TBC1D19: variants seen among roughly 807,000 people sequenced by gnomAD.
TBC1D19 encodes the protein TBC1 domain family member 19, also known as TBC1 domain family, member 19.
TBC1D19 carries 60 observed loss-of-function variants against 89.0 expected under a neutral mutation model. The observed-to-expected ratio is 0.67, with a 90% confidence interval of 0.55 to 0.84. The LOEUF (loss-of-function observed/expected upper bound fraction) is 0.84, where lower values mean the gene tolerates loss of function less well. Ranked by LOEUF, TBC1D19 falls within the 40% of genes least tolerant of loss-of-function variation. The pLI is 0.00. For synonymous variants in TBC1D19, 189 were observed against 199.7 expected, an observed-to-expected ratio of 0.95 and a Z score of 0.45; for missense variants, 500 against 610.8, an observed-to-expected ratio of 0.82 and a Z score of 1.91.
the TBC1D19 span, among the ~76,000 whole-genome samples, chr4:26,837,602 CTT>C: frequency 6.6e-6 from 1 of 152,210 alleles, no homozygotes; most frequent in Non-Finnish European, 1.5e-5. Flanking sequence ...ATTCCAATCT[CTT>C]AGCTCTTTTC....
chr4:26,646,575 A>G (rs1743973702), intron 7 of TBC1D19, among the ~76,000 whole-genome samples: 1 of 152,228 alleles, frequency 6.6e-6, no homozygotes, highest in Non-Finnish European at 1.5e-5. Flanking sequence ...ATGTCCATCA[A>G]TAATAGACTG....
At chr4:26,776,349 A>G in the TBC1D19 span, among the ~76,000 whole-genome samples, 3 of 152,214 alleles carry the variant, frequency 2.0e-5, no homozygotes, top group African/African-American at 2.4e-5. Context: ...TAAAATATCT[A>G]TAATCATTCA....
intron 12 of TBC1D19, among the ~76,000 whole-genome samples, 187 bp from the exon 13 acceptor site, chr4:26,688,158 G>A (rs988430981): frequency 1.2e-4 from 18 of 152,184 alleles, no homozygotes; most frequent in African/African-American, 4.1e-4. Flanking sequence ...TGAGGAATTC[G>A]AGTTCAAATA....
chr4:26,671,881 ATTGT>A lies in TBC1D19; in HGVS notation c.665-264_665-261del, dbSNP rs568243110. Reference sequence around the variant, plus strand: ...TAACTGTTTTAATTTTAAACAAAAAATTGTTTGGCTTTATTATGAGATGTTTTAA... The same window carrying A: ...TAACTGTTTTAATTTTAAACAAAAAATTGGCTTTATTATGAGATGTTTTAA... On this transcript the variant is annotated intron_variant, in intron 9 of 20. Coordinates refer to ENST00000264866, the MANE Select transcript of TBC1D19 (RefSeq NM_018317.4). 2.6e-4 allele frequency among the ~76,000 whole-genome samples: 39 copies of A among 151,986 alleles called. No individual in the cohort carries two copies. The South Asian group carries it at 8.1e-3, about 32-fold the overall frequency.
the TBC1D19 span, among the ~76,000 whole-genome samples, chr4:26,773,976 G>A: frequency 6.6e-6 from 1 of 152,188 alleles, no homozygotes; most frequent in East Asian, 1.9e-4. Flanking sequence ...CCTCTGCTAA[G>A]ATCTCCTTAT....
chr4:26,582,259 G>A (rs1331018591), upstream of TBC1D19, among the ~76,000 whole-genome samples: 1 of 151,894 alleles, frequency 6.6e-6, no homozygotes, highest in Admixed American at 6.6e-5. Flanking sequence ...TCCTCATACT[G>A]TCTCCTTAGT....
chr4:26,842,617 T>C, the TBC1D19 span, among the ~76,000 whole-genome samples: 1 of 144,650 alleles, frequency 6.9e-6, no homozygotes, highest in East Asian at 2.1e-4. Flanking sequence ...TCTTTCTTTC[T>C]TTCTTTCTTT....
chr4:26,717,859 T>C, intron 13 of TBC1D19, 74 bp from the exon 14 acceptor site: 3 of 1,246,016 alleles, frequency 2.4e-6, no homozygotes, highest in Non-Finnish European at 3.5e-6. Context: ...GGATGCCTCC[T>C]GAGTAGGAAA....
chr4:26,653,438 C>T (rs978404840), intron 7 of TBC1D19, among the ~76,000 whole-genome samples: 4 of 152,130 alleles, frequency 2.6e-5, no homozygotes, highest in African/African-American at 9.7e-5. Flanking sequence ...TGTTAACGTT[C>T]TGTCTGGTTG....
chr4:26,833,031 A>G, the TBC1D19 span, among the ~76,000 whole-genome samples: 1 of 152,078 alleles, frequency 6.6e-6, no homozygotes. Flanking sequence ...AAACAAATAT[A>G]CCACATAAAA....
chr4:26,591,062 C>T (rs778336322), intron 1 of TBC1D19, among the ~76,000 whole-genome samples: 10 of 114,902 alleles, frequency 8.7e-5, no homozygotes, highest in Non-Finnish European at 1.2e-4. Flanking sequence ...CCTGCTCATT[C>T]CTCCCTTCCC....
the TBC1D19 span, among the ~76,000 whole-genome samples, chr4:26,793,108 T>C: frequency 6.6e-6 from 1 of 152,050 alleles, no homozygotes. Flanking sequence ...AATGTGGAAG[T>C]TGCAGTGCTG....
chr4:26,703,173 C>T (rs1040638776), intron 13 of TBC1D19, among the ~76,000 whole-genome samples: 5 of 152,142 alleles, frequency 3.3e-5, no homozygotes, highest in African/African-American at 1.2e-4. Context: ...CTAAGCATCT[C>T]TCTTTGGGAA....
At chr4:26,738,569 T>G (rs1468699842) in intron 16 of TBC1D19, among the ~76,000 whole-genome samples, 1 of 151,904 alleles carries the variant, frequency 6.6e-6, no homozygotes, top group Non-Finnish European at 1.5e-5. Context: ...AAATAAGTTT[T>G]AAAAATTAGT....
Position 26,660,264 on chromosome 4 carries a change from A to G in TBC1D19, c.591+557A>G, listed in dbSNP as rs982961215. 5.3e-5 allele frequency among the ~76,000 whole-genome samples: 8 copies of G among 152,280 alleles called. No individual in the cohort carries two copies. The South Asian group carries it at 1.7e-3, about 32-fold the overall frequency. On this transcript the variant is annotated intron_variant, in intron 8 of 20. Coordinates refer to ENST00000264866, the MANE Select transcript of TBC1D19 (RefSeq NM_018317.4). ...CTTCTTTCAAAGTCACCCTAAAACAATAAGGAGCGTAGAAATATAAATACT... is the reference window on the plus strand; with the variant it reads ...CTTCTTTCAAAGTCACCCTAAAACAGTAAGGAGCGTAGAAATATAAATACT...
chr4:26,845,846 TACCA>T, the TBC1D19 span, among the ~76,000 whole-genome samples: 1 of 152,210 alleles, frequency 6.6e-6, no homozygotes, highest in Non-Finnish European at 1.5e-5. Context: ...ACTTATTTAC[TACCA>T]TGAGAACAGT....
chr4:26,589,174 C>G (rs1461794211), intron 1 of TBC1D19, among the ~76,000 whole-genome samples: 4 of 152,092 alleles, frequency 2.6e-5, no homozygotes, highest in Non-Finnish European at 5.9e-5. Flanking sequence ...ACTCGGGAAG[C>G]TGAGGCAGGA....
intron 3 of TBC1D19, among the ~76,000 whole-genome samples, chr4:26,617,949 A>T (rs1741799895): frequency 6.6e-6 from 1 of 152,198 alleles, no homozygotes; most frequent in Non-Finnish European, 1.5e-5. Flanking sequence ...AAATGGAAGG[A>T]TGTTAGATAA....
the TBC1D19 span, among the ~76,000 whole-genome samples, chr4:26,841,835 T>C: frequency 6.6e-6 from 1 of 152,186 alleles, no homozygotes; most frequent in East Asian, 1.9e-4. Flanking sequence ...ATATGAATGG[T>C]GTGATGTCAG....
Sources: gnomAD v4.1 joint callset for allele counts (sites outside exome capture counted in the v4.1 genomes callset) on GRCh38, gnomAD v4.1.1 for gene constraint, MANE v1.5 for transcripts, NCBI Gene and HGNC (gene_info 2026-07-23, HGNC 2026-07-21) for gene names.